SCG5: variants seen among roughly 807,000 people sequenced by gnomAD.
SCG5 encodes secretogranin V.
In SCG5, 18 loss-of-function variants were observed where a neutral mutation model predicts 25.7. The observed-to-expected ratio is 0.70, with a 90% CI of 0.48 to 1.04. SCG5 has a LOEUF of 1.04. Ranked by LOEUF, SCG5 falls within the 50% of genes least tolerant of loss-of-function variation. SCG5 has a pLI of 0.00. For missense variants in SCG5, 206 were observed against 259.8 expected (o/e 0.79, Z 1.42); for synonymous variants, 101 against 91.7 (o/e 1.10, Z -0.58).
At chr15:32,691,971 T>G (rs2054866754) in intron 5 of SCG5, 2 of 1,427,080 alleles carry the variant, frequency 1.4e-6, no homozygotes, top group East Asian at 5.2e-5. Context: ...CAGATGATTT[T>G]TAGTGGAACG....
At chr15:32,675,489 T>A (rs1357548932) in intron 2 of SCG5, among the ~76,000 whole-genome samples, 1 of 152,270 alleles carries the variant, frequency 6.6e-6, no homozygotes, top group African/African-American at 2.4e-5. Flanking sequence ...CACCATCTAT[T>A]GTCTATACTA....
chr15:32,652,789 A>G (rs2054053991), intron 2 of SCG5, among the ~76,000 whole-genome samples: 1 of 152,156 alleles, frequency 6.6e-6, no homozygotes, highest in South Asian at 2.1e-4. Context: ...ATGTCTTTTG[A>G]TGTTTTAAAA....
intron 4 of SCG5, among the ~76,000 whole-genome samples, chr15:32,687,085 T>A (rs2054726951): frequency 6.6e-6 from 1 of 152,064 alleles, no homozygotes; most frequent in Admixed American, 6.6e-5. Context: ...GGAGGGAGAC[T>A]GAGTCAAGGT....
chr15:32,686,015 C>T (rs573473613), intron 4 of SCG5, among the ~76,000 whole-genome samples: 3 of 152,230 alleles, frequency 2.0e-5, no homozygotes, highest in African/African-American at 2.4e-5. Flanking sequence ...TTTTTTTCAG[C>T]GTCTTGCTTT....
intron 3 of SCG5, among the ~76,000 whole-genome samples, chr15:32,680,765 G>A (rs995070866): frequency 8.5e-5 from 13 of 152,120 alleles, no homozygotes; most frequent in Non-Finnish European, 1.9e-4. Flanking sequence ...TAAGGAAGAA[G>A]GTTGAAATTT....
At chr15:32,694,432 TTTAAACTC>T (rs1236904795) in intron 5 of SCG5, among the ~76,000 whole-genome samples, 1 of 152,232 alleles carries the variant, frequency 6.6e-6, no homozygotes, top group Admixed American at 6.5e-5. Flanking sequence ...ACTGTGAACT[TTTAAACTC>T]TTAAGCTGTA....
intron 2 of SCG5, among the ~76,000 whole-genome samples, chr15:32,645,364 C>T (rs563313997): frequency 7.2e-4 from 109 of 152,292 alleles, no homozygotes; most frequent in African/African-American, 2.6e-3. Flanking sequence ...GACTCCATTC[C>T]CTCCAGTATC....
At chr15:32,649,201 A>G (rs994276668) in intron 2 of SCG5, among the ~76,000 whole-genome samples, 3 of 152,242 alleles carry the variant, frequency 2.0e-5, no homozygotes, top group African/African-American at 7.2e-5. Flanking sequence ...CATAGTAAGC[A>G]TTCAGTAAAT....
chr15:32,679,267 T>A (rs949446637), intron 2 of SCG5, among the ~76,000 whole-genome samples: 1 of 151,796 alleles, frequency 6.6e-6, no homozygotes, highest in Admixed American at 6.6e-5. Context: ...TGATCTTGGC[T>A]CACTGCAACC....
intron 2 of SCG5, among the ~76,000 whole-genome samples, chr15:32,645,465 G>C (rs1050521831): frequency 2.0e-5 from 3 of 152,214 alleles, no homozygotes; most frequent in Non-Finnish European, 4.4e-5. Context: ...GGAGAGGGAA[G>C]TGGGGACACA....
At chr15:32,691,678 G>A in intron 4 of SCG5, 32 bp from the exon 5 acceptor site, 2 of 1,549,422 alleles carry the variant, frequency 1.3e-6, no homozygotes, top group Non-Finnish European at 1.8e-6. Flanking sequence ...CCATACTTCT[G>A]CATTTTTTGT....
intron 3 of SCG5, 115 bp downstream of exon 3, chr15:32,680,030 C>T: frequency 1.0e-6 from 1 of 1,002,566 alleles, no homozygotes; most frequent in Non-Finnish European, 1.5e-6. Flanking sequence ...CTGATGAGCC[C>T]ATGTGTATTT....
intron 2 of SCG5, among the ~76,000 whole-genome samples, chr15:32,661,218 C>A (rs1223824683): frequency 6.6e-6 from 1 of 152,222 alleles, no homozygotes; most frequent in Non-Finnish European, 1.5e-5. Flanking sequence ...AGGGTTTACA[C>A]CCTCGGTACC....
chr15:32,667,585 T>G (rs1262723148), intron 2 of SCG5, among the ~76,000 whole-genome samples: 1 of 152,276 alleles, frequency 6.6e-6, no homozygotes, highest in Non-Finnish European at 1.5e-5. Flanking sequence ...GTCTATCTCT[T>G]TTAACATAAC....
intron 2 of SCG5, among the ~76,000 whole-genome samples, chr15:32,674,544 A>G (rs558688046): frequency 6.6e-6 from 1 of 152,364 alleles, no homozygotes; most frequent in African/African-American, 2.4e-5. Flanking sequence ...TAGAGACAGG[A>G]AAATGGATTT....
At chr15:32,686,487 A>G (rs1386091196) in intron 4 of SCG5, among the ~76,000 whole-genome samples, 1 of 152,214 alleles carries the variant, frequency 6.6e-6, no homozygotes, top group Non-Finnish European at 1.5e-5. Context: ...ATGAAGAAGA[A>G]AGAAGAGATA....
chr15:32,648,965 G>A (rs1291698500), intron 2 of SCG5, among the ~76,000 whole-genome samples: 1 of 152,060 alleles, frequency 6.6e-6, no homozygotes, highest in South Asian at 2.1e-4. Flanking sequence ...TAGAGACGGG[G>A]TTTCACCGTG....
At chr15:32,685,139 G>GA (rs1269639139) in intron 4 of SCG5, among the ~76,000 whole-genome samples, 1 of 152,192 alleles carries the variant, frequency 6.6e-6, no homozygotes, top group Non-Finnish European at 1.5e-5. Flanking sequence ...TATAGAAAGA[G>GA]AAAAAATATT....
intron 2 of SCG5, among the ~76,000 whole-genome samples, chr15:32,676,093 T>C (rs1430657698): frequency 6.6e-6 from 1 of 152,248 alleles, no homozygotes; most frequent in East Asian, 1.9e-4. Context: ...AAAATTATTA[T>C]ATTTTCTATA....
Sources: gnomAD v4.1 joint callset for allele counts (sites outside exome capture counted in the v4.1 genomes callset) on GRCh38, gnomAD v4.1.1 for gene constraint, MANE v1.5 for transcripts, NCBI Gene and HGNC (gene_info 2026-07-23, HGNC 2026-07-21) for gene names.